The following FAM47E variants were observed in gnomAD, a reference collection of about 807,000 sequenced individuals.
The protein encoded by FAM47E is family with sequence similarity 47 member E, also known as protein FAM47E.
FAM47E carries 32 observed loss-of-function variants against 41.6 expected under a neutral mutation model. The observed-to-expected ratio is 0.77, with a 90% CI of 0.58 to 1.03. The LOEUF (loss-of-function observed/expected upper bound fraction) is 1.03, where lower values mean the gene tolerates loss of function less well. Ranked by LOEUF, FAM47E falls within the 50% of genes least tolerant of loss-of-function variation. The probability of loss-of-function intolerance (pLI) is 0.00; values close to 1 mark genes in which losing one functional copy is unlikely to be tolerated. For synonymous variants in FAM47E, 184 were observed against 188.7 expected (o/e 0.98, Z 0.20); for missense variants, 424 against 485.4 (o/e 0.87, Z 1.19).
chr4:76,283,427 A>G lies in FAM47E; in HGVS notation c.1151A>G (p.Asn384Ser). ...GGGAAGGAATGTAAACGTGCATGTA[A>G]TAAGACTCCTATAAAACGAACTCAA... is the stretch of plus-strand genomic sequence containing the variant. Reference protein sequence around the residue: ...YIGKECKRACNKTPIKRTQA With the variant: ...YIGKECKRACSKTPIKRTQA The change falls in exon 8 of 8, where the codon AAT becomes AGT. Residue 384 changes from asparagine to serine, a missense_variant. Coordinates refer to ENST00000424749, the MANE Select transcript of FAM47E (RefSeq NM_001136570.3). 3 of 1,547,966 alleles carry G rather than the reference A, an allele frequency of 1.9e-6. No individual in the cohort carries two copies. Among genetic ancestry groups the G allele is most frequent in the Non-Finnish European group, 1.7e-6 (2 of 1,143,764 alleles).
chr4:76,277,609 T>A (rs1735182738), intron 5 of FAM47E, among the ~76,000 whole-genome samples: 1 of 152,220 alleles, frequency 6.6e-6, no homozygotes, highest in Non-Finnish European at 1.5e-5. Context: ...CACTATTTAA[T>A]AACTTACTAT....
At chr4:76,263,613 T>G in intron 2 of FAM47E, 91 bp from the exon 3 acceptor site, 7 of 1,467,778 alleles carry the variant, frequency 4.8e-6, no homozygotes, top group Non-Finnish European at 6.4e-6. Flanking sequence ...AAAGGAAAAG[T>G]GAAGGGCAAG....
At chr4:76,267,676 G>A (rs1189496883) in intron 3 of FAM47E, 3 of 152,168 alleles carry the variant, frequency 2.0e-5, no homozygotes, top group African/African-American at 7.2e-5. Context: ...AACAAAAAGT[G>A]GTCTATGTAG....
intron 1 of FAM47E, 142 bp from the exon 2 acceptor site, chr4:76,256,036 A>G: frequency 1.1e-6 from 1 of 877,922 alleles, no homozygotes; most frequent in Non-Finnish European, 1.7e-6. Context: ...CAGCTTCTCC[A>G]GTGAATCCCA....
chr4:76,220,081 G>A (rs917922102), intron 2 of FAM47E, among the ~76,000 whole-genome samples: 1 of 152,158 alleles, frequency 6.6e-6, no homozygotes, highest in Non-Finnish European at 1.5e-5. Context: ...TCAAACCAGA[G>A]GAGATAGAGA....
chr4:76,239,788 T>G (rs1375836002), intron 2 of FAM47E, among the ~76,000 whole-genome samples: 1 of 152,198 alleles, frequency 6.6e-6, no homozygotes, highest in Non-Finnish European at 1.5e-5. Context: ...TGATGTTATA[T>G]CCAAGAAATT....
chr4:76,219,489 C>T lies in FAM47E; in HGVS notation c.81+1801C>T, dbSNP rs572840559. Among the ~76,000 whole-genome samples, 21 of 152,258 alleles carry T rather than the reference C, an allele frequency of 1.4e-4. 1 individual carries two copies. In the South Asian group the frequency reaches 4.1e-3, roughly 30 times the overall value. ...GTGAAATATCAAGGCTGTCTGATTT[C>T]CTGCATGTTGTGAAATCAGGGCTAA... On this transcript the variant is annotated intron_variant, in intron 2 of 7. Coordinates refer to the FAM47E transcript ENST00000510197.
At chr4:76,246,552 A>G (rs1733830149) in intron 2 of FAM47E, among the ~76,000 whole-genome samples, 3 of 152,158 alleles carry the variant, frequency 2.0e-5, no homozygotes, top group Non-Finnish European at 1.5e-5. Flanking sequence ...CTCTTATTGA[A>G]TAACTTACAT....
intron 1 of FAM47E, among the ~76,000 whole-genome samples, chr4:76,254,286 C>A (rs1734096511): frequency 6.6e-6 from 1 of 152,116 alleles, no homozygotes; most frequent in African/African-American, 2.4e-5. Flanking sequence ...AATATTTGTT[C>A]TCAGATTTGA....
intron 2 of FAM47E, among the ~76,000 whole-genome samples, chr4:76,225,944 A>C (rs897011917): frequency 6.6e-6 from 1 of 152,178 alleles, no homozygotes; most frequent in Non-Finnish European, 1.5e-5. Context: ...CTATCATTGG[A>C]ATAGTTTCAG....
intron 2 of FAM47E, among the ~76,000 whole-genome samples, chr4:76,227,558 G>A (rs1733419295): frequency 1.3e-5 from 2 of 152,134 alleles, no homozygotes; most frequent in Non-Finnish European, 2.9e-5. Context: ...CTGGGGTATA[G>A]TTTCAGTCCA....
intron 2 of FAM47E, among the ~76,000 whole-genome samples, chr4:76,237,693 C>G (rs953478504): frequency 3.9e-5 from 6 of 152,194 alleles, no homozygotes; most frequent in Admixed American, 2.0e-4. Context: ...TGCTTAGCTT[C>G]TGGGGAGGCC....
chr4:76,275,665 G>A (rs1735066253), intron 5 of FAM47E, among the ~76,000 whole-genome samples: 1 of 152,090 alleles, frequency 6.6e-6, no homozygotes, highest in African/African-American at 2.4e-5. Context: ...CATCAAGCAC[G>A]GGGTGAGGGC....
chr4:76,224,390 G>T (rs1005852580), intron 2 of FAM47E, among the ~76,000 whole-genome samples: 4 of 152,302 alleles, frequency 2.6e-5, no homozygotes, highest in African/African-American at 9.6e-5. Flanking sequence ...CAGAAATGGA[G>T]AGAGGAGGGG....
intron 2 of FAM47E, among the ~76,000 whole-genome samples, chr4:76,224,078 C>G (rs1446608907): frequency 6.6e-6 from 1 of 152,158 alleles, no homozygotes; most frequent in Non-Finnish European, 1.5e-5. Context: ...GGTATTAAAC[C>G]AGAATGTGAC....
Position 76,283,653 on chromosome 4 carries a change from AC to A in FAM47E, c.*196del. On this transcript the variant is annotated 3_prime_UTR_variant, in exon 8 of 8. Transcript: ENST00000424749. ...AATGGATTTCTGCTTCAGTTAATCA[AC>A]ATTTTGTATACTTTATCACCCATGA... The A allele has an allele frequency of 2.0e-6, 1 of 507,630 alleles. No homozygotes were observed. The highest frequency in any genetic ancestry group is 2.7e-5 in the South Asian group (1 of 37,026). The allele number at this position is 507,630 out of a possible 1,614,324, so 31.4% of individuals were successfully genotyped here.
chr4:76,222,213 ATATTTCC>A (rs1560727571), intron 2 of FAM47E, among the ~76,000 whole-genome samples: 1 of 151,428 alleles, frequency 6.6e-6, no homozygotes, highest in Non-Finnish European at 1.5e-5. Context: ...TCTGGGCATC[ATATTTCC>A]TATCTTCTTT....
chr4:76,277,154 A>G (rs575551765), intron 5 of FAM47E, among the ~76,000 whole-genome samples: 4 of 152,222 alleles, frequency 2.6e-5, no homozygotes, highest in African/African-American at 9.6e-5. Flanking sequence ...AGGGAATGAG[A>G]TATGTTCATC....
At position 76,244,192 on chromosome 4, in the gene FAM47E, C is replaced by T. The variant is rs192655101; in HGVS notation, c.82-19512C>T. ...GTCTTTGCTATTGTGAATAGTGCCA[C>T]AATAAACATACGTGTGCATGTGTCT... On this transcript the variant is annotated intron_variant, in intron 2 of 7. Transcript: ENST00000510197. Among the ~76,000 whole-genome samples the T allele has an allele frequency of 1.2e-3, 184 of 152,248 alleles. 1 individual carries two copies. The highest frequency in any genetic ancestry group is 4.1e-3 in the African/African-American group (169 of 41,542).
Sources: allele counts gnomAD v4.1 joint callset (sites outside exome capture counted in the v4.1 genomes callset), GRCh38; gene constraint gnomAD v4.1.1; transcripts MANE v1.5; gene names NCBI Gene and HGNC (gene_info 2026-07-23, HGNC 2026-07-21).